The following FAT4 variants were observed in gnomAD, a reference collection of about 807,000 sequenced individuals.
FAT4 encodes FAT atypical cadherin 4.
Under a neutral mutation model 303.9 loss-of-function variants are expected in FAT4, and 84 were observed. That is an observed-to-expected ratio of 0.28 (90% CI 0.23 to 0.33). The LOEUF (loss-of-function observed/expected upper bound fraction) is 0.33. Ranked by LOEUF, FAT4 falls within the 10% of genes least tolerant of loss-of-function variation. FAT4 has a pLI of 1.00. For synonymous variants in FAT4, 2,307 were observed against 2,298.8 expected, an observed-to-expected ratio of 1.00 and a Z score of -0.10; for missense variants, 6,005 against 6,146.8, an observed-to-expected ratio of 0.98 and a Z score of 0.77.
intron 2 of FAT4, among the ~76,000 whole-genome samples, chr4:125,328,676 C>T (rs1731256649): frequency 6.6e-6 from 1 of 152,172 alleles, no homozygotes; most frequent in Admixed American, 6.5e-5. Flanking sequence ...TTGTTAGACA[C>T]TGGTAAACAG....
chr4:125,317,546 C>A lies in FAT4; in HGVS notation c.1135C>A (p.Leu379Met). Residue 379 changes from leucine (L) to methionine (M), a missense_variant, in exon 2 of 18, where the codon CTG becomes ATG. Transcript: ENST00000394329. The surrounding 1 kb of genome is among the most constrained non-coding windows in gnomAD (Gnocchi z 7.0). The part of the protein sequence containing the change: ...ENAQVGTVVA[L>M]LTVTDADSPA... The stretch of plus-strand genomic sequence containing the variant: ...TGCTCAAGTGGGCACCGTGGTGGCT[C>A]TGCTCACCGTGACGGACGCAGATTC... 6.2e-7 allele frequency: 1 copy of A among 1,613,930 alleles called. No homozygotes were observed.
At chr4:125,484,377 T>G (rs1727336664) in intron 16 of FAT4, among the ~76,000 whole-genome samples, 1 of 152,196 alleles carries the variant, frequency 6.6e-6, no homozygotes. Context: ...ATTCATGGCA[T>G]GCCCTATAGC....
chr4:125,353,140 G>A (rs1338300876), intron 2 of FAT4, among the ~76,000 whole-genome samples: 3 of 151,708 alleles, frequency 2.0e-5, no homozygotes, highest in South Asian at 2.1e-4. Flanking sequence ...GACCAAAATC[G>A]GATCTTATTT....
intron 2 of FAT4, among the ~76,000 whole-genome samples, chr4:125,334,868 C>A (rs1284185249): frequency 6.6e-6 from 1 of 151,972 alleles, no homozygotes; most frequent in Non-Finnish European, 1.5e-5. Flanking sequence ...CATTAAAATA[C>A]CAATTCATGT....
intron 2 of FAT4, among the ~76,000 whole-genome samples, chr4:125,341,165 C>T (rs549888544): frequency 3.3e-5 from 5 of 152,088 alleles, no homozygotes; most frequent in Non-Finnish European, 7.4e-5. Flanking sequence ...AGCAATAGTT[C>T]TGAAAGATAT....
At position 125,347,540 on chromosome 4, in the gene FAT4, C is replaced by T. The variant is rs187235713; in HGVS notation, c.5175+25954C>T. Reference sequence around the variant, plus strand: ...TTTAAAAAAGAAAAATTAGTTTGTACTTTTGAATATATATTTGATATATAA... The same window carrying T: ...TTTAAAAAAGAAAAATTAGTTTGTATTTTTGAATATATATTTGATATATAA... On this transcript the variant is annotated intron_variant, in intron 2 of 17. Transcript: ENST00000394329. Among the ~76,000 whole-genome samples the T allele has an allele frequency of 7.1e-3, 1,066 of 151,082 alleles. 5 individuals carry two copies. Among genetic ancestry groups the T allele is most frequent in the Middle Eastern group, 0.021 (6 of 288 alleles).
At chr4:125,338,447 C>T (rs11934771) in intron 2 of FAT4, among the ~76,000 whole-genome samples, 141 of 152,208 alleles carry the variant, frequency 9.3e-4, no homozygotes, top group Middle Eastern at 3.4e-3. Flanking sequence ...ATTCAATATG[C>T]GAGCTACAGT....
intron 12 of FAT4, among the ~76,000 whole-genome samples, chr4:125,473,806 T>C (rs1326565005): frequency 6.6e-6 from 1 of 152,080 alleles, no homozygotes. Context: ...ATTTGTATTA[T>C]TGTGACCATA....
At chr4:125,446,091 T>C in intron 8 of FAT4, 1 of 469,576 alleles carries the variant, frequency 2.1e-6, no homozygotes, top group East Asian at 3.6e-5. Flanking sequence ...ACTGGACATC[T>C]CACGATAAAG....
Position 125,317,409 on chromosome 4 carries a change from T to C in FAT4, c.998T>C (p.Leu333Pro). ...VQAMDRGVPS[L>P]TGRAEALIQL... ...GCGATGGACAGAGGCGTGCCTTCCC[T>C]CACTGGGCGCGCCGAGGCGCTGATT... The change falls in exon 2 of 18, where the codon CTC becomes CCC. Residue 333 changes from leucine (L) to proline (P), a missense_variant. By Grantham distance (98) the Leu-to-Pro change is moderately conservative. Transcript: ENST00000394329. The surrounding 1 kb of genome is among the most constrained non-coding windows in gnomAD (Gnocchi z 7.0). 6.2e-7 allele frequency: 1 copy of C among 1,613,496 alleles called. No homozygotes were observed. The highest frequency in any genetic ancestry group is 8.5e-7 in the Non-Finnish European group (1 of 1,180,032).
chr4:125,433,387 T>C (rs1725344435), intron 7 of FAT4, among the ~76,000 whole-genome samples: 1 of 152,216 alleles, frequency 6.6e-6, no homozygotes, highest in Non-Finnish European at 1.5e-5. Context: ...GGATCTTCAT[T>C]GTTTCTATTT....
intron 12 of FAT4, among the ~76,000 whole-genome samples, chr4:125,471,696 A>G (rs940453344): frequency 6.6e-6 from 1 of 151,906 alleles, no homozygotes; most frequent in African/African-American, 2.4e-5. Flanking sequence ...ATTTTTAATA[A>G]GAAAATGCTA....
At chr4:125,483,929 G>A (rs1340632583) in intron 16 of FAT4, among the ~76,000 whole-genome samples, 1 of 126,350 alleles carries the variant, frequency 7.9e-6, no homozygotes, top group African/African-American at 2.9e-5. Context: ...CAAGACCCCA[G>A]GGTTCCGTTT....
In FAT4 at chr4:125,315,761, T is replaced by G. The variant is rs888033611; in HGVS notation, c.-229T>G. 6.6e-6 allele frequency among the ~76,000 whole-genome samples: 1 copy of G among 152,118 alleles called. No homozygotes were observed. The highest frequency in any genetic ancestry group is 6.5e-5 in the Admixed American group (1 of 15,276). ...CTTGGAACGCAGTTCCCGAACTGCC[T>G]GCGCGCAGACGCCGCCGCCTGGGCC... On this transcript the variant is annotated 5_prime_UTR_variant, in exon 1 of 18. Coordinates refer to ENST00000394329, the MANE Select transcript of FAT4 (RefSeq NM_001291303.3).
intron 5 of FAT4, among the ~76,000 whole-genome samples, chr4:125,411,858 A>G (rs73849204): frequency 0.12 from 132 of 1,116 alleles, no homozygotes; most frequent in African/African-American, 0.21. Flanking sequence ...GTATGTGTGT[A>G]TATATATATA....
chr4:125,319,114 TGTG>T lies in FAT4; in HGVS notation c.2708_2710del (p.Val903del), dbSNP rs541157165. 312 of 1,614,078 alleles carry T rather than the reference TGTG, an allele frequency of 1.9e-4. 1 individual carries two copies. In the African/African-American group the frequency reaches 3.9e-3, roughly 20 times the overall value. ...TCCTTCAGGCAATAGAGAGTGTAAA[TGTG>T]GTGGAGAATTGGCAGGCAGGTCACA... On this transcript the variant is annotated inframe_deletion, in exon 2 of 18. Coordinates refer to ENST00000394329, the MANE Select transcript of FAT4 (RefSeq NM_001291303.3).
chr4:125,386,195 C>T (rs1733742386), intron 2 of FAT4, among the ~76,000 whole-genome samples: 1 of 152,140 alleles, frequency 6.6e-6, no homozygotes, highest in East Asian at 1.9e-4. Flanking sequence ...GCCTTCTGTA[C>T]CCTAGGCGTT....
In FAT4 at chr4:125,416,454, G is replaced by A. The variant is rs762772886; in HGVS notation, c.6850G>A (p.Ala2284Thr). 3 of 1,612,990 alleles carry A rather than the reference G, an allele frequency of 1.9e-6. No individual in the cohort carries two copies. The highest frequency in any genetic ancestry group is 1.1e-5 in the South Asian group (1 of 90,988). The change falls in exon 7 of 18, where the codon GCA (alanine) becomes ACA (threonine). Residue 2284 changes from alanine (A) to threonine (T), a missense_variant. Physicochemically the swap from Ala to Thr is moderately conservative, Grantham distance 58 (BLOSUM62 0). Transcript: ENST00000394329. ...TLPRTILQVV[A>T]RDDDRGSNSK... Reference sequence around the variant, plus strand: ...GGTATGTACTGTTCTACAGGTGGTGGCAAGAGATGATGATCGAGGATCTAA... The same window carrying A: ...GGTATGTACTGTTCTACAGGTGGTGACAAGAGATGATGATCGAGGATCTAA...
rs1730865261 is a variant in FAT4, at chr4:125,320,081, G to A, written c.3670G>A (p.Ala1224Thr). 3 of 1,613,738 alleles carry A rather than the reference G, an allele frequency of 1.9e-6. No homozygotes were observed. Among genetic ancestry groups the A allele is most frequent in the Non-Finnish European group, 2.5e-6 (3 of 1,179,776 alleles). Reference protein sequence around the residue: ...FYQATISESAANLTQVLRVSA... With the variant: ...FYQATISESATNLTQVLRVSA... The stretch of plus-strand genomic sequence containing the variant: ...CCAAGCTACAATATCAGAATCAGCA[G>A]CCAATCTGACACAAGTGTTAAGAGT... Residue 1224 changes from alanine to threonine, a missense_variant, in exon 2 of 18, where the codon GCC (alanine) becomes ACC (threonine). Ala to Thr is a moderately conservative substitution (Grantham distance 58, BLOSUM62 0). Coordinates refer to ENST00000394329, the MANE Select transcript of FAT4 (RefSeq NM_001291303.3).
Sources: gnomAD v4.1 joint callset for allele counts (sites outside exome capture counted in the v4.1 genomes callset) on GRCh38, gnomAD v4.1.1 for gene constraint, Gnocchi (gnomAD v3.1) non-coding constraint, MANE v1.5 for transcripts, NCBI Gene and HGNC (gene_info 2026-07-23, HGNC 2026-07-21) for gene names.